The following PHLDB2 variants were observed in gnomAD, a reference collection of about 807,000 sequenced individuals.
PHLDB2 encodes the protein pleckstrin homology-like domain family B member 2.
In PHLDB2, 71 loss-of-function variants were observed where a neutral mutation model predicts 123.6. The observed-to-expected ratio is 0.57, with a 90% CI of 0.47 to 0.70. PHLDB2 has a LOEUF of 0.70. PHLDB2 is among the 30% of genes least tolerant of loss of function. The pLI is 0.00. For missense variants in PHLDB2, 1,446 were observed against 1,519.5 expected (o/e 0.95, Z 0.80); for synonymous variants, 547 against 541.6 (o/e 1.01, Z -0.14).
intron 14 of PHLDB2, 51 bp downstream of exon 14, chr3:111,966,754 C>CCCTT (rs745917633): frequency 6.9e-7 from 1 of 1,457,838 alleles, no homozygotes; most frequent in African/African-American, 1.4e-5. Context: ...GGTGCAGGAG[C>CCCTT]CCTGCGCTTG....
chr3:111,938,860 G>T (rs1056199231), intron 6 of PHLDB2, among the ~76,000 whole-genome samples: 7 of 151,976 alleles, frequency 4.6e-5, no homozygotes, highest in African/African-American at 1.7e-4. Context: ...TTGTCGCCCA[G>T]GGTGGAGTGC....
At chr3:111,739,757 C>T (rs2059572009) in intron 1 of PHLDB2, among the ~76,000 whole-genome samples, 1 of 151,946 alleles carries the variant, frequency 6.6e-6, no homozygotes, top group Non-Finnish European at 1.5e-5. Context: ...TGCTCGTGTC[C>T]CTTCTTGTAA....
At chr3:111,920,142 G>A in intron 4 of PHLDB2, 140 bp from the exon 5 acceptor site, 2 of 826,622 alleles carry the variant, frequency 2.4e-6, no homozygotes, top group Non-Finnish European at 3.6e-6. Context: ...TGGGCTCTCT[G>A]GAGTGTTCTC....
At chr3:111,816,070 G>T (rs1168812110) in intron 1 of PHLDB2, among the ~76,000 whole-genome samples, 5 of 151,258 alleles carry the variant, frequency 3.3e-5, no homozygotes, top group Non-Finnish European at 1.5e-5. Flanking sequence ...AAGAATTGAG[G>T]CTTTAGAACT....
At chr3:111,958,411 G>C (rs1042421927) in intron 12 of PHLDB2, 6 of 580,934 alleles carry the variant, frequency 1.0e-5, no homozygotes, top group African/African-American at 1.0e-4. Flanking sequence ...CCATGTAAAA[G>C]TATATACCAC....
intron 1 of PHLDB2, among the ~76,000 whole-genome samples, chr3:111,794,413 C>T (rs924897360): frequency 6.6e-6 from 1 of 152,188 alleles, no homozygotes; most frequent in Non-Finnish European, 1.5e-5. Context: ...TCTTTCCTAT[C>T]TTCTTCAGTG....
At chr3:111,934,936 A>T (rs2069378263) in intron 6 of PHLDB2, among the ~76,000 whole-genome samples, 1 of 152,146 alleles carries the variant, frequency 6.6e-6, no homozygotes, top group Admixed American at 6.5e-5. Context: ...AGGTCTACTA[A>T]TTGTAGATAT....
chr3:111,867,222 T>G (rs1440342018), intron 1 of PHLDB2, among the ~76,000 whole-genome samples: 1 of 151,954 alleles, frequency 6.6e-6, no homozygotes, highest in Non-Finnish European at 1.5e-5. Flanking sequence ...AAAGAGTTAG[T>G]ATTTTATACT....
chr3:111,769,609 G>A (rs1187434334), intron 1 of PHLDB2, among the ~76,000 whole-genome samples: 1 of 152,192 alleles, frequency 6.6e-6, no homozygotes, highest in Admixed American at 6.5e-5. Flanking sequence ...CAACCTAAGG[G>A]AAGAGTGATG....
chr3:111,898,943 ACT>A (rs1178270156), intron 2 of PHLDB2, among the ~76,000 whole-genome samples: 1 of 152,102 alleles, frequency 6.6e-6, no homozygotes, highest in Non-Finnish European at 1.5e-5. Context: ...CTTCTTCCAA[ACT>A]CTCGTTCATG....
chr3:111,929,795 G>C (rs772587805), intron 5 of PHLDB2, among the ~76,000 whole-genome samples: 4 of 152,106 alleles, frequency 2.6e-5, no homozygotes, highest in Non-Finnish European at 5.9e-5. Context: ...CTGATAAACA[G>C]AGAAGCTGCA....
At chr3:111,940,714 T>C in intron 8 of PHLDB2, 69 bp downstream of exon 8, 1 of 855,408 alleles carries the variant, frequency 1.2e-6, no homozygotes, top group South Asian at 2.1e-5. Context: ...ATTGCCCCCT[T>C]TAAAGTAAAC....
intron 2 of PHLDB2, among the ~76,000 whole-genome samples, chr3:111,850,023 A>G (rs371810422): frequency 4.6e-5 from 7 of 151,964 alleles, no homozygotes; most frequent in Non-Finnish European, 5.9e-5. Context: ...CACCACACCC[A>G]GCTAATTTTT....
chr3:111,945,383 T>G, intron 9 of PHLDB2, 26 bp downstream of exon 9: 2 of 1,474,356 alleles, frequency 1.4e-6, no homozygotes, highest in Non-Finnish European at 1.9e-6. Flanking sequence ...ACATGTCGCT[T>G]TATGTTGCCT....
rs2066090085 is a variant in PHLDB2 at position 111,885,070 on chromosome 3, C to T, written c.993C>T (p.Val331=). ...GNPYVSSTLS[V]PASPRVARKM... is the part of the protein sequence containing the mutation. The stretch of plus-strand genomic sequence containing the variant: ...CTTATGTAAGTTCTACCCTCAGTGT[C>T]CCTGCCAGTCCACGAGTGGCTCGGA... Residue 331 remains valine (V), a synonymous_variant, in exon 2 of 18, where the codon GTC becomes GTT. Coordinates refer to ENST00000431670, the MANE Select transcript of PHLDB2 (RefSeq NM_001134438.2). The T allele has an allele frequency of 1.2e-6, 2 of 1,614,066 alleles. No homozygotes were observed. Among genetic ancestry groups the T allele is most frequent in the African/African-American group, 1.3e-5 (1 of 74,924 alleles).
intron 13 of PHLDB2, among the ~76,000 whole-genome samples, chr3:111,963,239 C>T (rs984379574): frequency 3.9e-5 from 6 of 152,126 alleles, no homozygotes; most frequent in Non-Finnish European, 7.3e-5. Context: ...TTCATTCTCC[C>T]GATAAACCTC....
In PHLDB2 at chr3:111,794,737, C is replaced by A. The variant is rs142095679; in HGVS notation, c.-48-51084C>A. On this transcript the variant is annotated intron_variant, in intron 1 of 17. Transcript: ENST00000393923. ...GATCCACCTGGGCCATGATACACAC[C>A]TGAGCTGTGGAACTTCAGTCCCTGA... Among the ~76,000 whole-genome samples, 441 of 152,340 alleles carry A rather than the reference C, an allele frequency of 2.9e-3. 3 individuals carry two copies. Among genetic ancestry groups the A allele is most frequent in the African/African-American group, 9.9e-3 (410 of 41,584 alleles).
At chr3:111,925,281 T>C (rs1377377785) in intron 5 of PHLDB2, among the ~76,000 whole-genome samples, 1 of 152,246 alleles carries the variant, frequency 6.6e-6, no homozygotes, top group African/African-American at 2.4e-5. Context: ...CATACTTCTA[T>C]AGAAAACATA....
intron 1 of PHLDB2, among the ~76,000 whole-genome samples, chr3:111,832,678 TATACATATA>T (rs1179179309): frequency 9.2e-6 from 1 of 109,044 alleles, no homozygotes; most frequent in African/African-American, 4.0e-5. Flanking sequence ...ATAATAGAAT[TATACATATA>T]ATATATATAA....
Sources: allele counts gnomAD v4.1 joint callset (sites outside exome capture counted in the v4.1 genomes callset), GRCh38; gene constraint gnomAD v4.1.1; transcripts MANE v1.5; gene names NCBI Gene and HGNC (gene_info 2026-07-23, HGNC 2026-07-21).